Variants in ADGRB3 observed in about 807,000 individuals in gnomAD.
The protein encoded by ADGRB3 is brain-specific angiogenesis inhibitor 3.
A neutral mutation model predicts 193.4 loss-of-function variants in ADGRB3; 37 were observed. The observed-to-expected ratio is 0.19, with a 90% CI of 0.15 to 0.25. The LOEUF is 0.25. Among genes scored for constraint, ADGRB3 ranks in the 10% least tolerant of loss-of-function variants. The probability of loss-of-function intolerance (pLI) is 1.00; values close to 1 mark genes in which losing one functional copy is unlikely to be tolerated. For missense variants in ADGRB3, 1,637 were observed against 1,852.9 expected (o/e 0.88, Z 2.14); for synonymous variants, 690 against 644.2 (o/e 1.07, Z -1.08).
chr6:69,247,918 C>T (rs1766534643), intron 20 of ADGRB3, among the ~76,000 whole-genome samples: 1 of 151,820 alleles, frequency 6.6e-6, no homozygotes, highest in Admixed American at 6.6e-5. Flanking sequence ...TGTATTGTTG[C>T]CATTTTATGA....
chr6:68,974,947 T>C, intron 9 of ADGRB3, 83 bp downstream of exon 9: 3 of 1,218,530 alleles, frequency 2.5e-6, no homozygotes, highest in Non-Finnish European at 3.6e-6. Context: ...AAGTCATGTT[T>C]TTGTCTTATA....
At chr6:69,074,709 T>C (rs1362147088) in intron 16 of ADGRB3, among the ~76,000 whole-genome samples, 1 of 151,986 alleles carries the variant, frequency 6.6e-6, no homozygotes, top group African/African-American at 2.4e-5. Flanking sequence ...CACGTCCTGC[T>C]AATTTTTTTG....
intron 22 of ADGRB3, 65 bp from the exon 23 acceptor site, chr6:69,330,441 T>G: frequency 8.0e-7 from 1 of 1,255,768 alleles, no homozygotes; most frequent in Non-Finnish European, 1.1e-6. Flanking sequence ...GTTGTTTGTA[T>G]CACACGTTAG....
intron 17 of ADGRB3, among the ~76,000 whole-genome samples, chr6:69,098,507 A>G (rs1160681138): frequency 1.3e-5 from 2 of 152,298 alleles, no homozygotes; most frequent in African/African-American, 2.4e-5. Flanking sequence ...CAGGCTTGAC[A>G]GTATGCATGA....
At chr6:69,385,827 A>T (rs888889258) in intron 31 of ADGRB3, among the ~76,000 whole-genome samples, 1 of 151,974 alleles carries the variant, frequency 6.6e-6, no homozygotes, top group Non-Finnish European at 1.5e-5. Context: ...ACAATTGACA[A>T]TATTACACTT....
chr6:68,788,306 CCTT>C (rs1336793033), intron 3 of ADGRB3, among the ~76,000 whole-genome samples: 1 of 151,830 alleles, frequency 6.6e-6, no homozygotes, highest in African/African-American at 2.4e-5. Flanking sequence ...CTATAAATTT[CCTT>C]CTTCACACAG....
intron 3 of ADGRB3, among the ~76,000 whole-genome samples, chr6:68,840,992 A>G (rs140450421): frequency 6.6e-6 from 1 of 152,336 alleles, no homozygotes; most frequent in Non-Finnish European, 1.5e-5. Context: ...AAAAGCTATT[A>G]AATGAGTCAA....
At chr6:69,324,624 T>G (rs1768529415) in intron 20 of ADGRB3, among the ~76,000 whole-genome samples, 1 of 152,210 alleles carries the variant, frequency 6.6e-6, no homozygotes, top group African/African-American at 2.4e-5. Flanking sequence ...CAAATTTACA[T>G]TCAGGGTTCT....
intron 3 of ADGRB3, among the ~76,000 whole-genome samples, chr6:68,683,816 C>T (rs1014787887): frequency 6.6e-6 from 1 of 152,066 alleles, no homozygotes. Context: ...TCTGTCTTTG[C>T]AAATGCCCCA....
At chr6:69,183,997 A>T (rs1765010932) in intron 17 of ADGRB3, among the ~76,000 whole-genome samples, 1 of 152,156 alleles carries the variant, frequency 6.6e-6, no homozygotes, top group Non-Finnish European at 1.5e-5. Flanking sequence ...ACAAAAACTC[A>T]AGTGTGATAA....
chr6:68,772,876 AACAAAC>A (rs1398271406), intron 3 of ADGRB3, among the ~76,000 whole-genome samples: 21 of 22,154 alleles, frequency 9.5e-4, no homozygotes, highest in Non-Finnish European at 1.4e-3. Context: ...CAAACAAACA[AACAAAC>A]AAAAAAAAAA....
chr6:69,073,046 C>G (rs1410281153), intron 16 of ADGRB3, among the ~76,000 whole-genome samples: 1 of 152,190 alleles, frequency 6.6e-6, no homozygotes, highest in African/African-American at 2.4e-5. Context: ...TAGGCCATGA[C>G]ACTCCATTCC....
In ADGRB3 at chr6:69,178,693, C is replaced by A. The variant is rs530187183; in HGVS notation, c.2481-54597C>A. Among the ~76,000 whole-genome samples the A allele has an allele frequency of 1.2e-4, 19 of 152,266 alleles. No individual in the cohort carries two copies. In the East Asian group the frequency reaches 3.7e-3, roughly 29 times the overall value. ...TTGTTTGCCTCAAAAAAATTTGTTT[C>A]TCCCTTACTTATGAAGCTTAGTTTG... On this transcript the variant is annotated intron_variant, in intron 17 of 31. Transcript: ENST00000370598.
At chr6:69,314,784 G>A (rs1001258544) in intron 20 of ADGRB3, among the ~76,000 whole-genome samples, 2 of 151,490 alleles carry the variant, frequency 1.3e-5, no homozygotes. Context: ...GAAAAAGGGA[G>A]GTTAGGTGAA....
At chr6:68,831,300 G>T (rs112752918) in intron 3 of ADGRB3, among the ~76,000 whole-genome samples, 1,297 of 58,746 alleles carry the variant, frequency 0.022, 33 homozygotes, top group African/African-American at 0.086. Context: ...AGGTGGAGAA[G>T]ATTAAAAAAA....
chr6:69,189,214 T>A (rs1455852615), intron 17 of ADGRB3, among the ~76,000 whole-genome samples: 1 of 152,206 alleles, frequency 6.6e-6, no homozygotes, highest in African/African-American at 2.4e-5. Context: ...TAACAGCATA[T>A]TTTCTGTGGT....
chr6:68,772,394 A>G (rs977940937), intron 3 of ADGRB3, among the ~76,000 whole-genome samples: 2 of 152,132 alleles, frequency 1.3e-5, no homozygotes, highest in Non-Finnish European at 2.9e-5. Flanking sequence ...TGAGGTATTC[A>G]TAGGACTCTG....
At chr6:69,350,129 C>T (rs1016191782) in intron 26 of ADGRB3, among the ~76,000 whole-genome samples, 3 of 152,174 alleles carry the variant, frequency 2.0e-5, no homozygotes, top group Non-Finnish European at 2.9e-5. Context: ...ACTCATGTCT[C>T]ATCCAAAAAT....
chr6:68,762,617 A>C (rs974323681), intron 3 of ADGRB3, among the ~76,000 whole-genome samples: 1 of 152,102 alleles, frequency 6.6e-6, no homozygotes, highest in Non-Finnish European at 1.5e-5. Context: ...AAAACAATAA[A>C]ATAAGTCATA....
Sources: gnomAD v4.1 joint callset for allele counts (sites outside exome capture counted in the v4.1 genomes callset) on GRCh38, gnomAD v4.1.1 for gene constraint, MANE v1.5 for transcripts, NCBI Gene and HGNC (gene_info 2026-07-23, HGNC 2026-07-21) for gene names.